Variants in TNRC6B observed in about 807,000 individuals in gnomAD.
TNRC6B encodes the protein trinucleotide repeat-containing gene 6B protein.
TNRC6B carries 52 observed loss-of-function variants against 203.6 expected under a neutral mutation model. That is an observed-to-expected ratio of 0.26 (90% confidence interval 0.20 to 0.32). TNRC6B has a LOEUF of 0.32. Ranked by LOEUF, TNRC6B falls within the 10% of genes least tolerant of loss-of-function variation. The pLI, the probability that TNRC6B is intolerant of heterozygous loss-of-function variation, is 1.00. For missense variants in TNRC6B, 1,923 were observed against 2,286.2 expected, an observed-to-expected ratio of 0.84 and a Z score of 3.24; for synonymous variants, 838 against 845.7, an observed-to-expected ratio of 0.99 and a Z score of 0.16.
intron 1 of TNRC6B, among the ~76,000 whole-genome samples, chr22:40,083,305 T>A (rs544962892): frequency 6.6e-6 from 1 of 152,128 alleles, no homozygotes; most frequent in East Asian, 1.9e-4. Context: ...CAAAAGGAGA[T>A]CATTTTAAAA....
chr22:40,097,299 G>GT (rs2068193333), intron 1 of TNRC6B, among the ~76,000 whole-genome samples: 1 of 149,510 alleles, frequency 6.7e-6, no homozygotes, highest in Admixed American at 6.6e-5. Context: ...CTTTTTTTTT[G>GT]TTTTTGTTTT....
chr22:40,087,833 C>T (rs1476826349), intron 1 of TNRC6B, among the ~76,000 whole-genome samples: 1 of 152,000 alleles, frequency 6.6e-6, no homozygotes, highest in African/African-American at 2.4e-5. Context: ...TAGGCAGGGC[C>T]CTCATCACAG....
At chr22:40,251,668 G>A (rs1286073460) in intron 3 of TNRC6B, among the ~76,000 whole-genome samples, 6 of 151,112 alleles carry the variant, frequency 4.0e-5, no homozygotes, top group South Asian at 2.1e-4. Context: ...GCAGTGAGCC[G>A]AGATCATGCC....
chr22:40,278,447 A>G (rs1251408975), intron 9 of TNRC6B, among the ~76,000 whole-genome samples: 1 of 151,682 alleles, frequency 6.6e-6, no homozygotes, highest in African/African-American at 2.4e-5. Flanking sequence ...AGTCCCAGCA[A>G]CTCTGGAGGC....
chr22:40,315,547 A>T (rs762875703), intron 20 of TNRC6B, 40 bp downstream of exon 20: 2 of 1,596,466 alleles, frequency 1.3e-6, no homozygotes, highest in Non-Finnish European at 1.7e-6. Flanking sequence ...TTGTTCATCC[A>T]CAAGGGGCTT....
At chr22:40,132,954 A>ATAAAAAT (rs1338592741) in intron 3 of TNRC6B, among the ~76,000 whole-genome samples, 2 of 96,238 alleles carry the variant, frequency 2.1e-5, no homozygotes, top group Admixed American at 1.1e-4. Context: ...AAAAAAAAAA[A>ATAAAAAT]AAAAAAAAAA....
At chr22:40,075,505 C>G (rs1009465169) in intron 1 of TNRC6B, among the ~76,000 whole-genome samples, 2 of 151,364 alleles carry the variant, frequency 1.3e-5, no homozygotes, top group African/African-American at 4.9e-5. Context: ...TTAACTTATT[C>G]GTGTCTTTAT....
At chr22:40,252,328 G>C (rs1282423785) in intron 3 of TNRC6B, among the ~76,000 whole-genome samples, 1 of 152,224 alleles carries the variant, frequency 6.6e-6, no homozygotes, top group Non-Finnish European at 1.5e-5. Flanking sequence ...CACTGCCTTA[G>C]ATGAAGGGAA....
chr22:40,289,006 G>T (rs1234185073), intron 12 of TNRC6B, among the ~76,000 whole-genome samples: 1 of 151,248 alleles, frequency 6.6e-6, no homozygotes, highest in Non-Finnish European at 1.5e-5. Context: ...TAGAGATGGG[G>T]TTTCACCATG....
chr22:40,276,065 G>A (rs1032863545), intron 7 of TNRC6B, among the ~76,000 whole-genome samples: 3 of 150,936 alleles, frequency 2.0e-5, no homozygotes, highest in African/African-American at 7.3e-5. Context: ...CTACCATCAC[G>A]GGCTGGGCAC....
intron 1 of TNRC6B, among the ~76,000 whole-genome samples, chr22:40,049,375 C>T (rs1454391482): frequency 2.6e-5 from 4 of 152,050 alleles, no homozygotes; most frequent in Non-Finnish European, 5.9e-5. Flanking sequence ...TCGTACTGTC[C>T]TCCTTCTTAC....
upstream of TNRC6B, among the ~76,000 whole-genome samples, chr22:40,174,342 G>A (rs2069034996): frequency 6.6e-6 from 1 of 151,816 alleles, no homozygotes; most frequent in Non-Finnish European, 1.5e-5. Flanking sequence ...ACCATGCCCA[G>A]CTAATTTTTG....
chr22:40,075,461 A>G (rs2068004868), intron 1 of TNRC6B, among the ~76,000 whole-genome samples: 1 of 151,546 alleles, frequency 6.6e-6, no homozygotes, highest in South Asian at 2.1e-4. Context: ...CAGCTTATTT[A>G]TGTATTTGTA....
At chr22:40,207,448 TAATAA>T (rs1478032746) in intron 1 of TNRC6B, among the ~76,000 whole-genome samples, 1 of 145,426 alleles carries the variant, frequency 6.9e-6, no homozygotes, top group African/African-American at 2.5e-5. Flanking sequence ...TATATATGTA[TAATAA>T]AATAAACGTA....
intron 3 of TNRC6B, among the ~76,000 whole-genome samples, chr22:40,136,919 TC>T (rs1172047905): frequency 6.6e-6 from 1 of 152,210 alleles, no homozygotes; most frequent in African/African-American, 2.4e-5. Flanking sequence ...AATAAAGTCA[TC>T]TGTTGATTTG....
intron 2 of TNRC6B, among the ~76,000 whole-genome samples, chr22:40,124,325 T>TTC (rs1335116840): frequency 2.0e-5 from 3 of 150,180 alleles, no homozygotes; most frequent in African/African-American, 7.4e-5. Context: ...TTTTACCTTT[T>TTC]TTTTTTTTTT....
At chr22:40,151,591 A>G (rs2146347702) in intron 3 of TNRC6B, among the ~76,000 whole-genome samples, 1 of 151,404 alleles carries the variant, frequency 6.6e-6, no homozygotes, top group South Asian at 2.1e-4. Context: ...TCTCTAGAAT[A>G]TCCTCAGAGA....
chr22:40,183,686 T>G (rs558205806), intron 1 of TNRC6B, among the ~76,000 whole-genome samples: 1 of 152,230 alleles, frequency 6.6e-6, no homozygotes, highest in East Asian at 1.9e-4. Context: ...GACTAAATTA[T>G]TACTAGGTTG....
chr22:40,096,259 T>C (rs2068185401), intron 1 of TNRC6B, among the ~76,000 whole-genome samples: 3 of 152,160 alleles, frequency 2.0e-5, no homozygotes, highest in Admixed American at 2.0e-4. Flanking sequence ...GGACAATCAT[T>C]GGCCATAAGG....
Sources: allele counts gnomAD v4.1 joint callset (sites outside exome capture counted in the v4.1 genomes callset), GRCh38; gene constraint gnomAD v4.1.1; transcripts MANE v1.5; gene names NCBI Gene and HGNC (gene_info 2026-07-23, HGNC 2026-07-21).